The following DYM variants were observed in gnomAD, a reference collection of about 807,000 sequenced individuals.
DYM encodes the protein dymeclin.
In DYM, 78 loss-of-function variants were observed where a neutral mutation model predicts 93.1. The observed-to-expected ratio is 0.84, with a 90% confidence interval of 0.70 to 1.01. The LOEUF (loss-of-function observed/expected upper bound fraction) is 1.01, where lower values mean the gene tolerates loss of function less well. DYM is among the 50% of genes least tolerant of loss of function. The pLI, the probability that DYM is intolerant of heterozygous loss-of-function variation, is 0.00. For missense variants in DYM, 789 were observed against 845.0 expected, an observed-to-expected ratio of 0.93 and a Z score of 0.82; for synonymous variants, 321 against 319.7, an observed-to-expected ratio of 1.00 and a Z score of -0.04.
chr18:49,308,026 C>T (rs1599303930), intron 8 of DYM, among the ~76,000 whole-genome samples: 1 of 152,118 alleles, frequency 6.6e-6, no homozygotes, highest in Non-Finnish European at 1.5e-5. Context: ...ATAATGTACC[C>T]TTAATATTCT....
At chr18:49,074,315 G>C (rs1409656593) in intron 17 of DYM, among the ~76,000 whole-genome samples, 6 of 152,194 alleles carry the variant, frequency 3.9e-5, no homozygotes, top group Admixed American at 3.9e-4. Flanking sequence ...CATTATATTA[G>C]GTATTGTAAG....
intron 17 of DYM, among the ~76,000 whole-genome samples, chr18:49,069,441 T>C (rs1021308899): frequency 1.3e-5 from 2 of 152,246 alleles, no homozygotes; most frequent in Non-Finnish European, 2.9e-5. Flanking sequence ...CTATGTCCTG[T>C]ATCATCCCAA....
Position 49,320,625 on chromosome 18 carries a change from A to C in DYM, c.763+11239T>G, listed in dbSNP as rs1352749769. Among the ~76,000 whole-genome samples, 6 of 152,162 alleles carry C rather than the reference A, an allele frequency of 3.9e-5. No homozygotes were observed. The South Asian group carries it at 1.2e-3, about 32-fold the overall frequency. ...GAATAGCTGGGATTACAGGTGCAAC[A>C]CCAAGTCCAGATAATTTTAGTATTT... On this transcript the variant is annotated intron_variant, in intron 8 of 17. Transcript: ENST00000675505.
At chr18:49,253,817 A>T (rs2094337367) in intron 13 of DYM, among the ~76,000 whole-genome samples, 2 of 152,196 alleles carry the variant, frequency 1.3e-5, no homozygotes, top group Admixed American at 1.3e-4. Flanking sequence ...TTAAAAACTC[A>T]TTCAATCACA....
chr18:49,253,202 T>C (rs995381631), intron 13 of DYM, among the ~76,000 whole-genome samples: 3 of 152,244 alleles, frequency 2.0e-5, no homozygotes, highest in Admixed American at 6.5e-5. Context: ...TAAAATTGTG[T>C]AGTCTCTTTC....
chr18:49,378,425 G>GA (rs1201281778), intron 5 of DYM, 142 bp downstream of exon 5: 8 of 815,914 alleles, frequency 9.8e-6, no homozygotes, highest in Non-Finnish European at 1.5e-5. Flanking sequence ...CACAGAAAAA[G>GA]AAAAAATGAC....
intron 14 of DYM, among the ~76,000 whole-genome samples, chr18:49,202,444 C>T (rs1024190445): frequency 6.9e-6 from 1 of 144,354 alleles, no homozygotes; most frequent in Non-Finnish European, 1.5e-5. Context: ...GTGTCTCTGC[C>T]TGGCCGCCCA....
chr18:49,199,234 G>A lies in DYM; in HGVS notation c.1625+10317C>T, dbSNP rs555197839. Among the ~76,000 whole-genome samples, 60 of 152,248 alleles carry A rather than the reference G, an allele frequency of 3.9e-4. No individual in the cohort carries two copies. In the South Asian group the frequency reaches 8.7e-3, roughly 22 times the overall value. ...CACACACCAGGGCCTGTTGTGGGGTGGGGGGAGAAAGGAGGGATAGCATTA... is the reference window on the plus strand; with the variant it reads ...CACACACCAGGGCCTGTTGTGGGGTAGGGGGAGAAAGGAGGGATAGCATTA... On this transcript the variant is annotated intron_variant, in intron 14 of 17. Coordinates refer to ENST00000675505, the MANE Select transcript of DYM (RefSeq NM_001353214.3).
At chr18:49,131,142 C>T (rs2083346699) in intron 15 of DYM, among the ~76,000 whole-genome samples, 2 of 151,990 alleles carry the variant, frequency 1.3e-5, no homozygotes, top group African/African-American at 2.4e-5. Context: ...AATGCTAACC[C>T]GAAACAAGAA....
At chr18:49,388,397 A>T (rs1356182142) in intron 3 of DYM, among the ~76,000 whole-genome samples, 2 of 152,064 alleles carry the variant, frequency 1.3e-5, no homozygotes, top group Non-Finnish European at 2.9e-5. Flanking sequence ...AAAATATCTC[A>T]TTGAAGGTCA....
chr18:49,228,261 C>T (rs1415476618), intron 13 of DYM, among the ~76,000 whole-genome samples: 4 of 152,078 alleles, frequency 2.6e-5, no homozygotes, highest in Non-Finnish European at 4.4e-5. Context: ...TCATCATTAC[C>T]TTTATATTAG....
intron 17 of DYM, among the ~76,000 whole-genome samples, chr18:49,080,561 CCCGG>C (rs2077837080): frequency 7.0e-6 from 1 of 143,424 alleles, no homozygotes; most frequent in African/African-American, 2.6e-5. Flanking sequence ...CCCCTCACCT[CCCGG>C]ACGGGGCGGC....
chr18:49,366,228 T>C (rs2066505568), intron 5 of DYM, among the ~76,000 whole-genome samples: 1 of 152,254 alleles, frequency 6.6e-6, no homozygotes, highest in Admixed American at 6.5e-5. Flanking sequence ...ATTTCCCAAC[T>C]AGCACTTATA....
At chr18:49,094,965 GA>G (rs1200721964) in intron 17 of DYM, among the ~76,000 whole-genome samples, 1 of 152,122 alleles carries the variant, frequency 6.6e-6, no homozygotes, top group Non-Finnish European at 1.5e-5. Context: ...TATATTTTAA[GA>G]AACAACAAAT....
At chr18:49,204,013 C>A (rs2092334453) in intron 14 of DYM, among the ~76,000 whole-genome samples, 1 of 151,536 alleles carries the variant, frequency 6.6e-6, no homozygotes, top group Non-Finnish European at 1.5e-5. Flanking sequence ...GCAGGGGAGT[C>A]TCTCTTTTAC....
intron 16 of DYM, among the ~76,000 whole-genome samples, chr18:49,106,945 G>A (rs1320430575): frequency 6.6e-6 from 1 of 152,126 alleles, no homozygotes; most frequent in East Asian, 1.9e-4. Flanking sequence ...GAATTTGAAT[G>A]TTGGCCTGCC....
intron 1 of DYM, among the ~76,000 whole-genome samples, chr18:49,438,374 T>C (rs111974959): frequency 6.6e-6 from 1 of 152,250 alleles, no homozygotes; most frequent in Admixed American, 6.5e-5. Flanking sequence ...ATATAAATCA[T>C]ATTTTTTTAA....
At position 49,196,827 on chromosome 18, in the gene DYM, A is replaced by T. The variant is rs140662693; in HGVS notation, c.1625+12724T>A. ...GAAGATGCTTGCTGGATCGGGAATT[A>T]GGGGTGAGGGTGGGGTGACAGAACT... is the stretch of plus-strand genomic sequence containing the variant. On this transcript the variant is annotated intron_variant, in intron 14 of 17. Transcript: ENST00000675505. Among the ~76,000 whole-genome samples, 4 of 152,300 alleles carry T rather than the reference A, an allele frequency of 2.6e-5. No individual in the cohort carries two copies. The East Asian group carries it at 7.7e-4, about 29-fold the overall frequency.
chr18:49,127,891 G>C (rs940266179), intron 15 of DYM, among the ~76,000 whole-genome samples: 4 of 152,170 alleles, frequency 2.6e-5, no homozygotes, highest in South Asian at 2.1e-4. Flanking sequence ...GCAGTGGGAG[G>C]GGGAGGCGGT....
Sources: allele counts gnomAD v4.1 joint callset (sites outside exome capture counted in the v4.1 genomes callset), GRCh38; gene constraint gnomAD v4.1.1; transcripts MANE v1.5; gene names NCBI Gene and HGNC (gene_info 2026-07-23, HGNC 2026-07-21).